The following FAM135B variants were observed in gnomAD, a reference collection of about 807,000 sequenced individuals.
The protein encoded by FAM135B is protein FAM135B.
In FAM135B, 43 loss-of-function variants were observed where a neutral mutation model predicts 127.7. That is an observed-to-expected ratio of 0.34 (90% CI 0.26 to 0.43). The LOEUF (loss-of-function observed/expected upper bound fraction) is 0.43. Among genes scored for constraint, FAM135B ranks in the 20% least tolerant of loss-of-function variants. The pLI is 1.00. For missense variants in FAM135B, 1,558 were observed against 1,725.6 expected (o/e 0.90, Z 1.72); for synonymous variants, 670 against 665.1 (o/e 1.01, Z -0.11).
intron 15 of FAM135B, 46 bp downstream of exon 15, chr8:138,145,913 G>A (rs368772673): frequency 6.6e-5 from 65 of 978,978 alleles, no homozygotes; most frequent in Non-Finnish European, 1.5e-5. Flanking sequence ...GCTCATATAA[G>A]CATGCATCCA....
At chr8:138,492,335 C>T (rs1815235369) in intron 1 of FAM135B, among the ~76,000 whole-genome samples, 1 of 152,092 alleles carries the variant, frequency 6.6e-6, no homozygotes, top group South Asian at 2.1e-4. Flanking sequence ...CTGATACCTT[C>T]CTTCTGTTCC....
chr8:138,191,681 G>T (rs931346744), intron 9 of FAM135B, among the ~76,000 whole-genome samples: 5 of 152,098 alleles, frequency 3.3e-5, no homozygotes, highest in African/African-American at 1.2e-4. Context: ...AATTCTCATG[G>T]GCCAAAAGAT....
intron 2 of FAM135B, among the ~76,000 whole-genome samples, chr8:138,312,434 G>A (rs922191563): frequency 3.3e-5 from 5 of 152,172 alleles, no homozygotes; most frequent in African/African-American, 1.2e-4. Context: ...GACCCAAGGA[G>A]AGACATGCTG....
chr8:138,371,498 A>G (rs1831121309), intron 1 of FAM135B, among the ~76,000 whole-genome samples: 2 of 152,136 alleles, frequency 1.3e-5, no homozygotes, highest in Admixed American at 1.3e-4. Flanking sequence ...CTGCCTCTGT[A>G]GGACTGAGTT....
rs1817151149 is a variant in FAM135B at position 138,141,567 on chromosome 8, C to T, written c.3639-218G>A. 1.3e-5 allele frequency among the ~76,000 whole-genome samples: 2 copies of T among 152,164 alleles called. No homozygotes were observed. The highest frequency in any genetic ancestry group is 2.4e-5 in the African/African-American group (1 of 41,452). ...GTCTTTGTGAATGGGAGCTTTGTGC[C>T]CAGTCAGGGGAGAAGTGTGGGCATT... On this transcript the variant is annotated intron_variant, in intron 16 of 19. Coordinates refer to ENST00000395297, the MANE Select transcript of FAM135B (RefSeq NM_015912.4). The surrounding 1 kb of genome is among the most constrained non-coding windows in gnomAD (Gnocchi z 4.7).
At chr8:138,140,319 A>G (rs1418546101) in intron 17 of FAM135B, among the ~76,000 whole-genome samples, 1 of 152,238 alleles carries the variant, frequency 6.6e-6, no homozygotes, top group Non-Finnish European at 1.5e-5. Flanking sequence ...TTGCAGGGAC[A>G]AGGAAGCTTA....
At chr8:138,258,715 T>A (rs1393045389) in intron 4 of FAM135B, among the ~76,000 whole-genome samples, 1 of 152,088 alleles carries the variant, frequency 6.6e-6, no homozygotes, top group Non-Finnish European at 1.5e-5. Flanking sequence ...TTGCAAGATA[T>A]TCCAGAATGA....
At chr8:138,275,730 C>T (rs1823771200) in intron 3 of FAM135B, among the ~76,000 whole-genome samples, 1 of 151,978 alleles carries the variant, frequency 6.6e-6, no homozygotes. Context: ...TAAATATAAA[C>T]CAGACGCCAT....
intron 2 of FAM135B, among the ~76,000 whole-genome samples, chr8:138,344,765 C>T (rs899528030): frequency 2.0e-5 from 3 of 151,846 alleles, no homozygotes; most frequent in East Asian, 1.9e-4. Flanking sequence ...TTAGTAGAGA[C>T]GGGGTTTCAC....
intron 1 of FAM135B, among the ~76,000 whole-genome samples, chr8:138,479,440 G>A (rs574056173): frequency 4.6e-5 from 7 of 152,216 alleles, no homozygotes; most frequent in East Asian, 3.9e-4. Context: ...CAAAAGTCAC[G>A]CCATTGATAT....
At chr8:138,280,368 T>C (rs1824169246) in intron 3 of FAM135B, among the ~76,000 whole-genome samples, 1 of 151,696 alleles carries the variant, frequency 6.6e-6, no homozygotes, top group African/African-American at 2.4e-5. Flanking sequence ...AGATGGCCTG[T>C]TCTCCTGGGC....
chr8:138,175,276 C>T (rs1192170795), intron 11 of FAM135B, among the ~76,000 whole-genome samples: 1 of 151,994 alleles, frequency 6.6e-6, no homozygotes, highest in Non-Finnish European at 1.5e-5. Context: ...CTCCCTCCCT[C>T]CCCTCTCCTA....
intron 1 of FAM135B, among the ~76,000 whole-genome samples, chr8:138,449,973 A>G (rs1045145154): frequency 1.3e-5 from 2 of 152,182 alleles, no homozygotes; most frequent in Non-Finnish European, 2.9e-5. Flanking sequence ...ACATTATGGT[A>G]TCATACAGAG....
At chr8:138,408,528 A>T in intron 1 of FAM135B, among the ~76,000 whole-genome samples, 1 of 152,092 alleles carries the variant, frequency 6.6e-6, no homozygotes, top group East Asian at 1.9e-4. Flanking sequence ...TACTTAAGGG[A>T]ATTTTTTAGT....
chr8:138,464,972 T>C lies in FAM135B; in HGVS notation c.-20+31699A>G, dbSNP rs141694506. ...TGGGAAGAACTATCAGCGTTACTCA[T>C]TATTTAAAGAACAATTAGTGAAGAA... On this transcript the variant is annotated intron_variant, in intron 1 of 19. Coordinates refer to ENST00000395297, the MANE Select transcript of FAM135B (RefSeq NM_015912.4). Among the ~76,000 whole-genome samples, 5 of 152,326 alleles carry C rather than the reference T, an allele frequency of 3.3e-5. No homozygotes were observed. The East Asian group carries it at 7.7e-4, about 24-fold the overall frequency.
At position 138,202,125 on chromosome 8, in the gene FAM135B, C is replaced by A. The variant is rs867846673; in HGVS notation, c.670-4456G>T. 1.5e-3 allele frequency among the ~76,000 whole-genome samples: 125 copies of A among 84,046 alleles called. 1 individual carries two copies. Among genetic ancestry groups the A allele is most frequent in the Middle Eastern group, 7.4e-3 (1 of 136 alleles). The allele number at this position is 84,046 out of a possible 152,430, so 55.1% of individuals were successfully genotyped here. On this transcript the variant is annotated intron_variant, in intron 7 of 19. Coordinates refer to ENST00000395297, the MANE Select transcript of FAM135B (RefSeq NM_015912.4). The stretch of plus-strand genomic sequence containing the variant: ...GGGCAACAAGAATGAAACTCTGTCT[C>A]AAAAAAAAAAAAAAAGGCACCTCTC...
intron 1 of FAM135B, among the ~76,000 whole-genome samples, chr8:138,491,142 C>CAAAAAAAAA (rs796189435): frequency 2.7e-5 from 2 of 73,744 alleles, no homozygotes; most frequent in African/African-American, 4.5e-5. Flanking sequence ...AACTCTCTCT[C>CAAAAAAAAA]AAAAAAAAAA....
intron 1 of FAM135B, among the ~76,000 whole-genome samples, chr8:138,416,854 T>C (rs1834186339): frequency 6.6e-6 from 1 of 152,052 alleles, no homozygotes; most frequent in African/African-American, 2.4e-5. Context: ...GTAGAAGCCC[T>C]GCATGGAGTT....
At chr8:138,192,035 C>G (rs1456536514) in intron 9 of FAM135B, among the ~76,000 whole-genome samples, 1 of 152,170 alleles carries the variant, frequency 6.6e-6, no homozygotes, top group Non-Finnish European at 1.5e-5. Flanking sequence ...TGGCTTTAGT[C>G]AGGGTGTGAG....
Sources: gnomAD v4.1 joint callset for allele counts (sites outside exome capture counted in the v4.1 genomes callset) on GRCh38, gnomAD v4.1.1 for gene constraint, Gnocchi (gnomAD v3.1) non-coding constraint, MANE v1.5 for transcripts, NCBI Gene and HGNC (gene_info 2026-07-23, HGNC 2026-07-21) for gene names.